The following CPQ variants were observed in gnomAD, a reference collection of about 807,000 sequenced individuals.
The protein encoded by CPQ is carboxypeptidase Q.
In CPQ, 37 loss-of-function variants were observed where a neutral mutation model predicts 45.7. The ratio of observed to expected loss-of-function variants is 0.81; its 90% CI spans 0.62 to 1.07. CPQ has a LOEUF of 1.07. CPQ is among the 50% of genes least tolerant of loss of function. The probability of loss-of-function intolerance (pLI) is 0.00; values close to 1 mark genes in which losing one functional copy is unlikely to be tolerated. For synonymous variants in CPQ, 186 were observed against 205.8 expected (o/e 0.90, Z 0.82); for missense variants, 537 against 572.9 (o/e 0.94, Z 0.64).
At chr8:97,136,598 T>C (rs1812063436) in intron 7 of CPQ, among the ~76,000 whole-genome samples, 1 of 152,136 alleles carries the variant, frequency 6.6e-6, no homozygotes, top group African/African-American at 2.4e-5. Flanking sequence ...CTAAACCCCA[T>C]ATTCTCTCAG....
intron 1 of CPQ, among the ~76,000 whole-genome samples, chr8:96,706,653 A>T (rs965788430): frequency 2.0e-5 from 3 of 152,184 alleles, no homozygotes; most frequent in African/African-American, 7.2e-5. Context: ...AAGCAGTAGT[A>T]AAATTTTGAA....
chr8:96,746,095 T>G (rs368866695), intron 1 of CPQ, among the ~76,000 whole-genome samples: 1 of 152,174 alleles, frequency 6.6e-6, no homozygotes, highest in African/African-American at 2.4e-5. Flanking sequence ...CAGTGTTATG[T>G]GATGTGTACA....
At chr8:96,961,007 A>G (rs1216725762) in intron 4 of CPQ, among the ~76,000 whole-genome samples, 2 of 152,166 alleles carry the variant, frequency 1.3e-5, no homozygotes, top group African/African-American at 4.8e-5. Context: ...ATGTGTCTGT[A>G]TGACCGTTTT....
intron 1 of CPQ, among the ~76,000 whole-genome samples, chr8:96,777,768 T>A (rs1370964019): frequency 5.3e-4 from 40 of 75,160 alleles, no homozygotes; most frequent in South Asian, 1.5e-3. Flanking sequence ...ATATTTTTTT[T>A]TTTTTTTTTT....
At chr8:96,818,599 A>G (rs940244323) in intron 2 of CPQ, among the ~76,000 whole-genome samples, 1 of 152,094 alleles carries the variant, frequency 6.6e-6, no homozygotes, top group Non-Finnish European at 1.5e-5. Context: ...GGACCTGACT[A>G]CCCATTTGCC....
intron 5 of CPQ, among the ~76,000 whole-genome samples, chr8:96,976,247 C>CAAAAAAAA (rs55864086): frequency 9.9e-5 from 6 of 60,830 alleles, no homozygotes; most frequent in Non-Finnish European, 1.2e-4. Context: ...CAATAGCTGA[C>CAAAAAAAA]AAAAAAAAAA....
At chr8:96,973,364 G>A (rs1813715299) in intron 5 of CPQ, among the ~76,000 whole-genome samples, 1 of 152,000 alleles carries the variant, frequency 6.6e-6, no homozygotes, top group Admixed American at 6.6e-5. Context: ...AAGAAGTTTG[G>A]GATTATGTTA....
rs549848661 is a variant in CPQ at position 96,650,687 on chromosome 8, A to C, written c.-35+5285A>C. Among the ~76,000 whole-genome samples, 7 of 152,340 alleles carry C rather than the reference A, an allele frequency of 4.6e-5. 1 individual carries two copies. The highest frequency in any genetic ancestry group is 1.7e-4 in the African/African-American group (7 of 41,582). On this transcript the variant is annotated intron_variant, in intron 1 of 7. Transcript: ENST00000220763. ...TCATATCATATCACATAAATGTAAA[A>C]GTAAAGCAGATGGTATTTGAAGACC... is the stretch of plus-strand genomic sequence containing the variant.
intron 3 of CPQ, among the ~76,000 whole-genome samples, chr8:96,844,332 C>T (rs890743895): frequency 4.0e-4 from 61 of 152,182 alleles, no homozygotes; most frequent in African/African-American, 1.3e-3. Flanking sequence ...TTAAAGTCCT[C>T]TTGCATCCAT....
At chr8:96,692,687 A>G (rs1383440718) in intron 1 of CPQ, among the ~76,000 whole-genome samples, 1 of 152,206 alleles carries the variant, frequency 6.6e-6, no homozygotes, top group Non-Finnish European at 1.5e-5. Flanking sequence ...ACAACACCCA[A>G]GTCCTTTCAA....
At chr8:97,064,866 G>A (rs983552102) in intron 6 of CPQ, among the ~76,000 whole-genome samples, 2 of 152,058 alleles carry the variant, frequency 1.3e-5, no homozygotes, top group Admixed American at 1.3e-4. Context: ...GAAAGCAGAG[G>A]GTTTCAGAGC....
At chr8:96,972,447 C>T (rs1289665857) in intron 5 of CPQ, among the ~76,000 whole-genome samples, 1 of 152,166 alleles carries the variant, frequency 6.6e-6, no homozygotes, top group Non-Finnish European at 1.5e-5. Flanking sequence ...AGACAAAGGT[C>T]ATAATCTTTT....
intron 3 of CPQ, among the ~76,000 whole-genome samples, chr8:96,836,475 C>T (rs187694170): frequency 7.9e-5 from 12 of 152,158 alleles, no homozygotes; most frequent in East Asian, 5.8e-4. Context: ...ATGTTCTTTG[C>T]GGGGTCTTTA....
At chr8:96,754,316 T>C (rs1459969522) in intron 1 of CPQ, among the ~76,000 whole-genome samples, 1 of 152,080 alleles carries the variant, frequency 6.6e-6, no homozygotes, top group Non-Finnish European at 1.5e-5. Flanking sequence ...TGCTAATACA[T>C]GCTGTAATCT....
intron 4 of CPQ, among the ~76,000 whole-genome samples, chr8:96,961,012 C>T (rs1264882301): frequency 5.9e-5 from 9 of 152,146 alleles, no homozygotes; most frequent in South Asian, 4.1e-4. Flanking sequence ...TCTGTATGAC[C>T]GTTTTGGTCC....
rs564065248 is a variant in CPQ at position 96,843,404 on chromosome 8, AGAAG to A, written c.641+8237_641+8240del. 1.4e-3 allele frequency among the ~76,000 whole-genome samples: 211 copies of A among 152,280 alleles called. 1 individual carries two copies. Among genetic ancestry groups the A allele is most frequent in the African/African-American group, 3.1e-3 (130 of 41,554 alleles). On this transcript the variant is annotated intron_variant, in intron 3 of 7. Coordinates refer to ENST00000220763, the MANE Select transcript of CPQ (RefSeq NM_016134.4). The stretch of plus-strand genomic sequence containing the variant: ...AGAAAGAGAAGAAAGGAAAGAAAGA[AGAAG>A]GAAGGAAGGAAGAAGAAAGAAGAGC...
intron 1 of CPQ, among the ~76,000 whole-genome samples, chr8:96,669,066 G>C (rs1205616637): frequency 6.6e-6 from 1 of 152,188 alleles, no homozygotes; most frequent in Non-Finnish European, 1.5e-5. Flanking sequence ...GCTGTGATGA[G>C]GTATCTGAAT....
intron 1 of CPQ, among the ~76,000 whole-genome samples, chr8:96,659,519 T>C (rs1815674838): frequency 1.3e-5 from 2 of 152,244 alleles, no homozygotes; most frequent in Non-Finnish European, 1.5e-5. Flanking sequence ...ATTGGAAGTG[T>C]GGGCAGTGCT....
At chr8:97,099,905 A>G (rs1466253686) in intron 7 of CPQ, among the ~76,000 whole-genome samples, 1 of 152,200 alleles carries the variant, frequency 6.6e-6, no homozygotes, top group Non-Finnish European at 1.5e-5. Flanking sequence ...TTATGAGAAA[A>G]TAGAGTGAGC....
Sources: allele counts gnomAD v4.1 joint callset (sites outside exome capture counted in the v4.1 genomes callset), GRCh38; gene constraint gnomAD v4.1.1; transcripts MANE v1.5; gene names NCBI Gene and HGNC (gene_info 2026-07-23, HGNC 2026-07-21).